Variants in NLE1 observed in about 807,000 individuals in gnomAD.
NLE1 encodes notchless homolog 1.
NLE1 carries 37 observed loss-of-function variants against 62.8 expected under a neutral mutation model. The ratio of observed to expected loss-of-function variants is 0.59; its 90% confidence interval spans 0.45 to 0.78. NLE1 has a LOEUF of 0.78. Ranked by LOEUF, NLE1 falls within the 30% of genes least tolerant of loss-of-function variation. The pLI is 0.00. For missense variants in NLE1, 555 were observed against 637.9 expected (o/e 0.87, Z 1.40); for synonymous variants, 243 against 253.0 (o/e 0.96, Z 0.37).
intron 5 of NLE1, 26 bp downstream of exon 5, chr17:35,137,788 G>A (rs1242722769): frequency 6.3e-7 from 1 of 1,586,808 alleles, no homozygotes; most frequent in Admixed American, 1.7e-5. Context: ...TTGAGTCTCT[G>A]CCTAGTTACC....
intron 12 of NLE1, 79 bp from the exon 13 acceptor site, chr17:35,132,528 G>C: frequency 8.2e-7 from 1 of 1,213,868 alleles, no homozygotes; most frequent in South Asian, 2.9e-5. Flanking sequence ...AGTGTCAACA[G>C]ACGGACGGCC....
chr17:35,136,262 C>G, intron 8 of NLE1, 47 bp from the exon 9 acceptor site: 5 of 1,613,074 alleles, frequency 3.1e-6, no homozygotes, highest in Non-Finnish European at 4.2e-6. Context: ...GGAAGAAGGC[C>G]GATAAGAAAA....
Position 35,130,361 on chromosome 17 carries a change from G to C in NLE1, c.*2076C>G, listed in dbSNP as rs147465242. 3 of 1,614,138 alleles carry C rather than the reference G, an allele frequency of 1.9e-6. No homozygotes were observed. Among genetic ancestry groups the C allele is most frequent in the South Asian group, 2.2e-5 (2 of 91,090 alleles). On this transcript the variant is annotated 3_prime_UTR_variant, in exon 13 of 13. Transcript: ENST00000442241. ...ATCACCGTGCGGCGCAAGGAACCCC[G>C]GCAAAAGATCGTGTCCATCGGGCCG...
rs1239548390 is a variant in NLE1 at position 35,139,957 on chromosome 17, A to G, written c.272T>C (p.Ile91Thr). The change falls in exon 3 of 13, where the codon ATC becomes ACC. Residue 91 changes from isoleucine to threonine, a missense_variant. Transcript: ENST00000442241. ...AVETEKVLDI[I>T]YQPQAIFRVR... ...TCTGAAGATAGCCTGTGGCTGGTAG[A>G]TGATGTCTAGGACCTTCTCTGTCTC... The G allele has an allele frequency of 6.2e-6, 10 of 1,614,072 alleles. No homozygotes were observed. Among genetic ancestry groups the G allele is most frequent in the Admixed American group, 3.3e-5 (2 of 60,012 alleles).
In NLE1 at chr17:35,129,824, G is replaced by T; in HGVS notation, c.*2613C>A. On this transcript the variant is annotated 3_prime_UTR_variant, in exon 13 of 13. Coordinates refer to ENST00000442241, the MANE Select transcript of NLE1 (RefSeq NM_018096.5). ...ATTCCAGAATGCATGCTTCTGGGAGGTTTAAGGATTAAGCCACTCTGGGGC... is the reference window on the plus strand; with the variant it reads ...ATTCCAGAATGCATGCTTCTGGGAGTTTTAAGGATTAAGCCACTCTGGGGC... The T allele has an allele frequency of 7.0e-7, 1 of 1,427,700 alleles. No homozygotes were observed. The highest frequency in any genetic ancestry group is 9.1e-7 in the Non-Finnish European group (1 of 1,095,312). The allele number at this position is 1,427,700 out of a possible 1,614,324, so 88.4% of individuals were successfully genotyped here.
chr17:35,128,887 G>T lies in NLE1; in HGVS notation c.*3550C>A. The stretch of plus-strand genomic sequence containing the variant: ...TGCAACGAGAGGGTCCCATTTGGGG[G>T]TGATGGGAGACAATGACAGATCATC... On this transcript the variant is annotated 3_prime_UTR_variant, in exon 13 of 13. Transcript: ENST00000442241. 5.8e-6 allele frequency: 1 copy of T among 172,344 alleles called. No individual in the cohort carries two copies. Among genetic ancestry groups the T allele is most frequent in the Non-Finnish European group, 1.2e-5 (1 of 82,924 alleles). The allele number at this position is 172,344 out of a possible 1,614,324, so 10.7% of individuals were successfully genotyped here.
Position 35,130,541 on chromosome 17 carries a change from G to A in NLE1, c.*1896C>T, listed in dbSNP as rs1445505905. ...TACCACCAGCACCCTGCGGGCCCGG[G>A]GTCTGGCAGAGTGGTATGGGCACCC... On this transcript the variant is annotated 3_prime_UTR_variant, in exon 13 of 13. Transcript: ENST00000442241. The A allele has an allele frequency of 1.2e-5, 15 of 1,261,316 alleles. No homozygotes were observed. Among genetic ancestry groups the A allele is most frequent in the Non-Finnish European group, 1.6e-5 (15 of 920,292 alleles). 78.1% of individuals were successfully genotyped at this position (1,261,316 alleles called of 1,614,324 possible).
In NLE1 at chr17:35,129,996, G is replaced by GAGTTT; in HGVS notation, c.*2440_*2441insAAACT. Reference sequence around the variant, plus strand: ...GCATTGAAAGAAATAGGGAAGACAAGAGGCTAAAGGGGGACGAAGAAGGGA... The same window carrying GAGTTT: ...GCATTGAAAGAAATAGGGAAGACAAGAGTTTAGGCTAAAGGGGGACGAAGAAGGGA... On this transcript the variant is annotated 3_prime_UTR_variant, in exon 13 of 13. Transcript: ENST00000442241. 1 of 1,378,354 alleles carries GAGTTT rather than the reference G, an allele frequency of 7.3e-7. No homozygotes were observed. Among genetic ancestry groups the GAGTTT allele is most frequent in the South Asian group, 1.7e-5 (1 of 59,054 alleles). 85.4% of individuals were successfully genotyped at this position (1,378,354 alleles called of 1,614,324 possible).
Position 35,132,099 on chromosome 17 carries a change from G to A in NLE1, c.*338C>T, listed in dbSNP as rs757465765. On this transcript the variant is annotated 3_prime_UTR_variant, in exon 13 of 13. Coordinates refer to ENST00000442241, the MANE Select transcript of NLE1 (RefSeq NM_018096.5). ...TTACTTATTTGGTCATAGAACCTGG[G>A]ATCTGACCCTGTACAGAGCTGACAC... The A allele has an allele frequency of 8.9e-5, 21 of 236,982 alleles. No homozygotes were observed. The highest frequency in any genetic ancestry group is 1.4e-4 in the Non-Finnish European group (17 of 123,674). 14.7% of individuals were successfully genotyped at this position (236,982 alleles called of 1,614,324 possible). A position where few individuals can be genotyped will look rare whatever the true frequency, so the allele number is the denominator to read the frequency against.
chr17:35,135,335 G>A lies in NLE1; in HGVS notation c.1128C>T (p.Asn376=). The A allele has an allele frequency of 6.2e-7, 1 of 1,614,196 alleles. No homozygotes were observed. The highest frequency in any genetic ancestry group is 8.5e-7 in the Non-Finnish European group (1 of 1,180,042). Residue 376 remains asparagine (N), a synonymous_variant, in exon 10 of 13, where the codon AAC becomes AAT. Transcript: ENST00000442241. ...GGGAGTCAGGAGAGAAGAGCACCTG[G>A]TTGATGAGAGCTTGGTGTCCTGTCA... is the stretch of plus-strand genomic sequence containing the variant. The part of the protein sequence containing the change: ...TRMTGHQALI[N]QVLFSPDSRI...
chr17:35,140,004 C>A lies in NLE1; in HGVS notation c.225G>T (p.Lys75Asn), dbSNP rs2091933067. 2.5e-6 allele frequency: 4 copies of A among 1,614,140 alleles called. No homozygotes were observed. In the South Asian group the frequency reaches 4.4e-5, roughly 18 times the overall value. Residue 75 changes from lysine to asparagine, a missense_variant, in exon 3 of 13, where the codon AAG (lysine) becomes AAT (asparagine). By Grantham distance (94) the Lys-to-Asn change is moderately conservative. Transcript: ENST00000442241. ...TCTCCACTGCCTGGGACTCCAACGTCTTCCCCAGTGAGGAGACGATCTCAG... is the reference window on the plus strand; with the variant it reads ...TCTCCACTGCCTGGGACTCCAACGTATTCCCCAGTGAGGAGACGATCTCAG... Reference protein sequence around the residue: ...HDAEIVSSLGKTLESQAVETE... With the variant: ...HDAEIVSSLGNTLESQAVETE...
In NLE1 at chr17:35,133,361, T is replaced by C. The variant is rs1397782494; in HGVS notation, c.1352A>G (p.Asp451Gly). 1 of 1,614,166 alleles carries C rather than the reference T, an allele frequency of 6.2e-7. No homozygotes were observed. Among genetic ancestry groups the C allele is most frequent in the East Asian group, 2.2e-5 (1 of 44,870 alleles). ...TACCTCATCCGCGTGGCCGGGCAGGTCCATGGCCAGCTTCTGGGCCTTCAC... is the reference window on the plus strand; with the variant it reads ...TACCTCATCCGCGTGGCCGGGCAGGCCCATGGCCAGCTTCTGGGCCTTCAC... ...WDVKAQKLAMDLPGHADEVYA... is the reference protein window; with the variant it reads ...WDVKAQKLAMGLPGHADEVYA... The change falls in exon 11 of 13, where the codon GAC becomes GGC. Residue 451 changes from aspartate (D) to glycine (G), a missense_variant. Coordinates refer to ENST00000442241, the MANE Select transcript of NLE1 (RefSeq NM_018096.5).
chr17:35,132,335 G>C lies in NLE1; in HGVS notation c.*102C>G. 1 of 1,051,150 alleles carries C rather than the reference G, an allele frequency of 9.5e-7. No homozygotes were observed. The highest frequency in any genetic ancestry group is 1.3e-6 in the Non-Finnish European group (1 of 771,868). The allele number at this position is 1,051,150 out of a possible 1,614,324, so 65.1% of individuals were successfully genotyped here. Reference sequence around the variant, plus strand: ...ACGCATTCTCAGGTCCCCACTGGTGGGGAGGGTGTGTGCACTGCCATCTCA... The same window carrying C: ...ACGCATTCTCAGGTCCCCACTGGTGCGGAGGGTGTGTGCACTGCCATCTCA... On this transcript the variant is annotated 3_prime_UTR_variant, in exon 13 of 13. Coordinates refer to ENST00000442241, the MANE Select transcript of NLE1 (RefSeq NM_018096.5).
chr17:35,135,322 A>G lies in NLE1; in HGVS notation c.1141T>C (p.Ser381Pro), dbSNP rs752259633. 1 of 1,614,158 alleles carries G rather than the reference A, an allele frequency of 6.2e-7. No individual in the cohort carries two copies. Among genetic ancestry groups the G allele is most frequent in the East Asian group, 2.2e-5 (1 of 44,886 alleles). ...CTAGCCACGATGCGGGAGTCAGGAG[A>G]GAAGAGCACCTGGTTGATGAGAGCT... is the stretch of plus-strand genomic sequence containing the variant. ...HQALINQVLFSPDSRIVASAS... is the reference protein window; with the variant it reads ...HQALINQVLFPPDSRIVASAS... The change falls in exon 10 of 13, where the codon TCT becomes CCT. Residue 381 changes from serine to proline, a missense_variant. Physicochemically the swap from Ser to Pro is moderately conservative, Grantham distance 74. Coordinates refer to ENST00000442241, the MANE Select transcript of NLE1 (RefSeq NM_018096.5).
chr17:35,132,507 CAT>C, intron 12 of NLE1, 58 bp from the exon 13 acceptor site: 1 of 1,296,364 alleles, frequency 7.7e-7, no homozygotes, highest in Non-Finnish European at 1.0e-6. Context: ...GGGAGGCCGT[CAT>C]ATAATCCCAG....
In NLE1 at chr17:35,130,238, A is replaced by G; in HGVS notation, c.*2199T>C. On this transcript the variant is annotated 3_prime_UTR_variant, in exon 13 of 13. Transcript: ENST00000442241. ...TAGAGACAGAGAGAGAGCCAGGTTC[A>G]GATCTGGGAAGGAACTCTGAAGGGT... 1.3e-6 allele frequency: 2 copies of G among 1,599,122 alleles called. No homozygotes were observed. Among genetic ancestry groups the G allele is most frequent in the Non-Finnish European group, 1.7e-6 (2 of 1,171,526 alleles).
chr17:35,130,317 T>C lies in NLE1; in HGVS notation c.*2120A>G, dbSNP rs966750957. On this transcript the variant is annotated 3_prime_UTR_variant, in exon 13 of 13. Coordinates refer to ENST00000442241, the MANE Select transcript of NLE1 (RefSeq NM_018096.5). ...TGGCCACTGACTTCAGCAGCTTTCC[T>C]GAGAACTACCCCATCCAGATCACCG... is the stretch of plus-strand genomic sequence containing the variant. The C allele has an allele frequency of 1.9e-6, 3 of 1,613,972 alleles. No homozygotes were observed. In the African/African-American group the frequency reaches 4.0e-5, roughly 22 times the overall value.
At position 35,137,007 on chromosome 17, in the gene NLE1, A is replaced by T; in HGVS notation, c.822T>A (p.Ala274=). The stretch of plus-strand genomic sequence containing the variant: ...GAACCCTCCCAGCACTTACGTCATG[A>T]GCTCTCCAGACTTTGATGGTGCGGT... ...SQDRTIKVWR[A]HDGVLCRTLQ... The change falls in exon 7 of 13, where the codon GCT becomes GCA. Residue 274 remains alanine, a synonymous_variant. Transcript: ENST00000442241. 6.3e-7 allele frequency: 1 copy of T among 1,597,836 alleles called. No individual in the cohort carries two copies. The highest frequency in any genetic ancestry group is 2.3e-5 in the East Asian group (1 of 44,408).
chr17:35,135,174 C>T (rs1216644626), intron 10 of NLE1, 75 bp downstream of exon 10: 11 of 1,405,748 alleles, frequency 7.8e-6, no homozygotes, highest in African/African-American at 7.1e-5. Context: ...CAAGGCCATA[C>T]AGCTAGTAAG....
Sources: gnomAD v4.1 joint callset for allele counts on GRCh38, gnomAD v4.1.1 for gene constraint, MANE v1.5 for transcripts, NCBI Gene and HGNC (gene_info 2026-07-23, HGNC 2026-07-21) for gene names.